The following C9orf40 variants were observed in gnomAD, a reference collection of about 807,000 sequenced individuals.
C9orf40 encodes uncharacterized protein C9orf40.
In C9orf40, 2 loss-of-function variants were observed where a neutral mutation model predicts 7.9. The ratio of observed to expected loss-of-function variants is 0.25; its 90% confidence interval spans 0.10 to 0.80. The LOEUF (loss-of-function observed/expected upper bound fraction) is 0.80, where lower values mean the gene tolerates loss of function less well. C9orf40 is among the 30% of genes least tolerant of loss of function. The pLI, the probability that C9orf40 is intolerant of heterozygous loss-of-function variation, is 0.68. For missense variants in C9orf40, 256 were observed against 268.5 expected (o/e 0.95, Z 0.33); for synonymous variants, 113 against 117.6 (o/e 0.96, Z 0.25).
At position 74,952,542 on chromosome 9, in the gene C9orf40, A is replaced by G; in HGVS notation, c.70T>C (p.Phe24Leu). 1 of 1,588,276 alleles carries G rather than the reference A, an allele frequency of 6.3e-7. No homozygotes were observed. The highest frequency in any genetic ancestry group is 1.1e-5 in the South Asian group (1 of 89,540). ...VPWKRLLLCD[F>L]AEQPPPPPLW... ...GGCGGTGGCGGCGGCTGCTCAGCGA[A>G]GTCGCAAAGCAGGAGCCGCTTCCAA... Residue 24 changes from phenylalanine (F) to leucine (L), a missense_variant, in exon 1 of 2, where the codon TTC (phenylalanine) becomes CTC (leucine). Physicochemically the swap from Phe to Leu is conservative, Grantham distance 22 (BLOSUM62 0). Transcript: ENST00000376854. The surrounding 1 kb of genome is among the most constrained non-coding windows in gnomAD (Gnocchi z 5.4).
chr9:74,952,745 G>A lies in C9orf40; in HGVS notation c.-134C>T. On this transcript the variant is annotated 5_prime_UTR_variant, in exon 1 of 2. Transcript: ENST00000376854. This position sits in a 1 kb window ranked among gnomAD's most constrained non-coding sequence, Gnocchi z 5.4. ...CGGGCGAGGAGGCGACAGGACGCTGGAGGGGGTAGGGCGGGGCAGCTCGCG... is the reference window on the plus strand; with the variant it reads ...CGGGCGAGGAGGCGACAGGACGCTGAAGGGGGTAGGGCGGGGCAGCTCGCG... 1.2e-6 allele frequency: 1 copy of A among 800,358 alleles called. No individual in the cohort carries two copies. Among genetic ancestry groups the A allele is most frequent in the South Asian group, 1.9e-5 (1 of 53,732 alleles). 49.6% of individuals were successfully genotyped at this position (800,358 alleles called of 1,614,324 possible). A position where few individuals can be genotyped will look rare whatever the true frequency, so the allele number is the denominator to read the frequency against.
In C9orf40 at chr9:74,952,702, A is replaced by G; in HGVS notation, c.-91T>C. 7.9e-7 allele frequency: 1 copy of G among 1,259,782 alleles called. No homozygotes were observed. Among genetic ancestry groups the G allele is most frequent in the Non-Finnish European group, 1.1e-6 (1 of 932,046 alleles). 78.0% of individuals were successfully genotyped at this position (1,259,782 alleles called of 1,614,324 possible). On this transcript the variant is annotated 5_prime_UTR_variant, in exon 1 of 2. Transcript: ENST00000376854. This position sits in a 1 kb window ranked among gnomAD's most constrained non-coding sequence, Gnocchi z 5.4. The stretch of plus-strand genomic sequence containing the variant: ...GAAGAGCGAGGACTGAGCGCGTGAG[A>G]GAGGGACAGGCCGAAGTCGGGCGAG...
chr9:74,952,199 A>ACC lies in C9orf40; in HGVS notation c.411_412dup (p.Val138GlyfsTer35). ...CCCAGCCCCTACCTGGCGCGATGCG[A>ACC]CCCCCCAGTCTCCCCGCGGGGGTCC... On this transcript the variant is annotated frameshift_variant, in exon 1 of 2. Coordinates refer to ENST00000376854, the MANE Select transcript of C9orf40 (RefSeq NM_017998.3). LOFTEE classifies it high-confidence loss of function. This position sits in a 1 kb window ranked among gnomAD's most constrained non-coding sequence, Gnocchi z 5.4. 2.9e-6 allele frequency: 1 copy of ACC among 339,510 alleles called. No individual in the cohort carries two copies. The highest frequency in any genetic ancestry group is 3.9e-6 in the Non-Finnish European group (1 of 258,810). 21.0% of individuals were successfully genotyped at this position (339,510 alleles called of 1,614,324 possible).
rs773541202 is a variant in C9orf40 at position 74,947,496 on chromosome 9, C to T, written c.*552G>A. ...ATTGGAAGCTTTGCAAACACGCTAC[C>T]CAAATTGAAATTATCACTACTTTAC... On this transcript the variant is annotated 3_prime_UTR_variant, in exon 2 of 2. Transcript: ENST00000376854. 3 of 152,580 alleles carry T rather than the reference C, an allele frequency of 2.0e-5. No homozygotes were observed. The highest frequency in any genetic ancestry group is 4.4e-5 in the Non-Finnish European group (3 of 68,036). The allele number at this position is 152,580 out of a possible 1,614,324, so 9.5% of individuals were successfully genotyped here.
In C9orf40 at chr9:74,946,696, G is replaced by A. The variant is rs922919585; in HGVS notation, c.*1352C>T. ...GTAGGAAGTGGCAGTACAAGACTTT[G>A]AACCATGTCTGACCACAATGCAATA... On this transcript the variant is annotated 3_prime_UTR_variant, in exon 2 of 2. Coordinates refer to ENST00000376854, the MANE Select transcript of C9orf40 (RefSeq NM_017998.3). The A allele has an allele frequency of 2.0e-5, 3 of 152,108 alleles. No individual in the cohort carries two copies. Among genetic ancestry groups the A allele is most frequent in the African/African-American group, 7.2e-5 (3 of 41,430 alleles). 9.4% of individuals were successfully genotyped at this position (152,108 alleles called of 1,614,324 possible).
Position 74,952,576 on chromosome 9 carries a change from G to A in C9orf40, c.36C>T (p.Phe12=), listed in dbSNP as rs1238750887. ...GCAGGAGCCGCTTCCAAGGCACGTG[G>A]AACGTCACCGGCTCGGCCGCACGCC... The part of the protein sequence containing the change: ...AKRRAAEPVT[F]HVPWKRLLLC... The change falls in exon 1 of 2, where the codon TTC becomes TTT. Residue 12 remains phenylalanine (F), a synonymous_variant. Coordinates refer to ENST00000376854, the MANE Select transcript of C9orf40 (RefSeq NM_017998.3). The surrounding 1 kb of genome is among the most constrained non-coding windows in gnomAD (Gnocchi z 5.4). The A allele has an allele frequency of 3.2e-6, 5 of 1,583,170 alleles. No homozygotes were observed. The highest frequency in any genetic ancestry group is 2.3e-5 in the East Asian group (1 of 43,944).
Position 74,952,186 on chromosome 9 carries a change from C to CCAAA in C9orf40, c.425_426insTTTG (p.Gln142HisfsTer5). The CCAAA allele has an allele frequency of 1.2e-6, 1 of 814,686 alleles. No homozygotes were observed. Among genetic ancestry groups the CCAAA allele is most frequent in the Non-Finnish European group, 1.6e-6 (1 of 607,508 alleles). The allele number at this position is 814,686 out of a possible 1,614,324, so 50.5% of individuals were successfully genotyped here. A position where few individuals can be genotyped will look rare whatever the true frequency, so the allele number is the denominator to read the frequency against. ...CAGCCCACCCGCCCCCAGCCCCTAC[C>CCAAA]TGGCGCGATGCGACCCCCCAGTCTC... On this transcript the variant is annotated frameshift_variant and splice_region_variant, in exon 1 of 2. Transcript: ENST00000376854. LOFTEE classifies it high-confidence loss of function. This position sits in a 1 kb window ranked among gnomAD's most constrained non-coding sequence, Gnocchi z 5.4.
In C9orf40 at chr9:74,952,789, C is replaced by T; in HGVS notation, c.-178G>A. ...GCTCGCGCAGGGCCTAGGGCTGGGG[C>T]TCCGGCTCGGAGGCAGCTCCCGCGC... On this transcript the variant is annotated 5_prime_UTR_variant, in exon 1 of 2. Coordinates refer to ENST00000376854, the MANE Select transcript of C9orf40 (RefSeq NM_017998.3). This position sits in a 1 kb window ranked among gnomAD's most constrained non-coding sequence, Gnocchi z 5.4. 1 of 543,980 alleles carries T rather than the reference C, an allele frequency of 1.8e-6. No homozygotes were observed. Among genetic ancestry groups the T allele is most frequent in the Non-Finnish European group, 3.1e-6 (1 of 320,956 alleles). 33.7% of individuals were successfully genotyped at this position (543,980 alleles called of 1,614,324 possible).
rs1414944475 is a variant in C9orf40 at position 74,952,170 on chromosome 9, C to A, written c.426+16G>T. The A allele has an allele frequency of 4.2e-6, 2 of 478,720 alleles. No homozygotes were observed. The highest frequency in any genetic ancestry group is 4.0e-5 in the East Asian group (1 of 25,122). 29.7% of individuals were successfully genotyped at this position (478,720 alleles called of 1,614,324 possible). A position where few individuals can be genotyped will look rare whatever the true frequency, so the allele number is the denominator to read the frequency against. ...AAGCCCCTTCGCCCCTCAGCCCACC[C>A]GCCCCCAGCCCCTACCTGGCGCGAT... On this transcript the variant is annotated intron_variant, in intron 1 of 1. Transcript: ENST00000376854. The surrounding 1 kb of genome is among the most constrained non-coding windows in gnomAD (Gnocchi z 5.4).
Position 74,947,287 on chromosome 9 carries a change from C to G in C9orf40, c.*761G>C, listed in dbSNP as rs1365365443. On this transcript the variant is annotated 3_prime_UTR_variant, in exon 2 of 2. Transcript: ENST00000376854. ...TTTAAAGTGCTGTCAGTGTTGAAAA[C>G]TACAGGTCTAAAGTAATAAGGAATA... 6.6e-6 allele frequency: 1 copy of G among 152,608 alleles called. No individual in the cohort carries two copies. Among genetic ancestry groups the G allele is most frequent in the African/African-American group, 2.4e-5 (1 of 41,442 alleles). 9.5% of individuals were successfully genotyped at this position (152,608 alleles called of 1,614,324 possible). A position where few individuals can be genotyped will look rare whatever the true frequency, so the allele number is the denominator to read the frequency against.
chr9:74,952,186 C>CCAACA lies in C9orf40; in HGVS notation c.425_426insTGTTG (p.Gln142HisfsTer32). On this transcript the variant is annotated frameshift_variant and splice_region_variant, in exon 1 of 2. Transcript: ENST00000376854. LOFTEE classifies it high-confidence loss of function. The surrounding 1 kb of genome is among the most constrained non-coding windows in gnomAD (Gnocchi z 5.4). ...CAGCCCACCCGCCCCCAGCCCCTACCTGGCGCGATGCGACCCCCCAGTCTC... is the reference window on the plus strand; with the variant it reads ...CAGCCCACCCGCCCCCAGCCCCTACCCAACATGGCGCGATGCGACCCCCCAGTCTC... The CCAACA allele has an allele frequency of 2.5e-6, 2 of 814,682 alleles. No individual in the cohort carries two copies. The highest frequency in any genetic ancestry group is 3.3e-6 in the Non-Finnish European group (2 of 607,504). 50.5% of individuals were successfully genotyped at this position (814,682 alleles called of 1,614,324 possible).
At position 74,952,481 on chromosome 9, in the gene C9orf40, C is replaced by T. The variant is rs1832314833; in HGVS notation, c.131G>A (p.Gly44Glu). ...WIRPPGVAHA[G>E]QLLGVPEQHR... ...CTGCTCTGGGACGCCGAGGAGCTGCCCAGCATGCGCGACCCCGGGCGGCCG... is the reference window on the plus strand; with the variant it reads ...CTGCTCTGGGACGCCGAGGAGCTGCTCAGCATGCGCGACCCCGGGCGGCCG... Residue 44 changes from glycine (G) to glutamate (E), a missense_variant, in exon 1 of 2, where the codon GGG (glycine) becomes GAG (glutamate). Transcript: ENST00000376854. This position sits in a 1 kb window ranked among gnomAD's most constrained non-coding sequence, Gnocchi z 5.4. 1.3e-6 allele frequency: 2 copies of T among 1,597,486 alleles called. No homozygotes were observed. The highest frequency in any genetic ancestry group is 1.1e-5 in the South Asian group (1 of 90,256).
Position 74,952,172 on chromosome 9 carries a change from C to T in C9orf40, c.426+14G>A. On this transcript the variant is annotated intron_variant, in intron 1 of 1. Transcript: ENST00000376854. The surrounding 1 kb of genome is among the most constrained non-coding windows in gnomAD (Gnocchi z 5.4). ...GCCCCTTCGCCCCTCAGCCCACCCG[C>T]CCCCAGCCCCTACCTGGCGCGATGC... 1 of 549,446 alleles carries T rather than the reference C, an allele frequency of 1.8e-6. No individual in the cohort carries two copies. Among genetic ancestry groups the T allele is most frequent in the Non-Finnish European group, 2.7e-6 (1 of 369,530 alleles). 34.0% of individuals were successfully genotyped at this position (549,446 alleles called of 1,614,324 possible). A position where few individuals can be genotyped will look rare whatever the true frequency, so the allele number is the denominator to read the frequency against.
At position 74,952,231 on chromosome 9, in the gene C9orf40, C is replaced by T. The variant is rs1037306315; in HGVS notation, c.381G>A (p.Gly127=). ...AGTCTCCCCGCGGGGGTCCTGCGCG[C>T]CCCGCCCCGTCGTCGCCACCGCCCC... ...LPGGGGDDGA[G]RAGPPRGDWG... The change falls in exon 1 of 2, where the codon GGG becomes GGA. Residue 127 remains glycine, a synonymous_variant. Transcript: ENST00000376854. This position sits in a 1 kb window ranked among gnomAD's most constrained non-coding sequence, Gnocchi z 5.4. The T allele has an allele frequency of 2.4e-6, 3 of 1,248,178 alleles. No homozygotes were observed. Among genetic ancestry groups the T allele is most frequent in the South Asian group, 3.4e-5 (1 of 29,834 alleles). 77.3% of individuals were successfully genotyped at this position (1,248,178 alleles called of 1,614,324 possible).
Position 74,952,124 on chromosome 9 carries a change from T to TTGTG in C9orf40, c.426+58_426+61dup. 1 of 587,220 alleles carries TTGTG rather than the reference T, an allele frequency of 1.7e-6. No individual in the cohort carries two copies. Among genetic ancestry groups the TTGTG allele is most frequent in the Non-Finnish European group, 2.5e-6 (1 of 396,158 alleles). 36.4% of individuals were successfully genotyped at this position (587,220 alleles called of 1,614,324 possible). On this transcript the variant is annotated intron_variant, in intron 1 of 1. Coordinates refer to ENST00000376854, the MANE Select transcript of C9orf40 (RefSeq NM_017998.3). This position sits in a 1 kb window ranked among gnomAD's most constrained non-coding sequence, Gnocchi z 5.4. Reference sequence around the variant, plus strand: ...AGTCATGAGTGGGAACCGGGGCGTTTTGTGTGTGTGGGGAAAAGGCAAGCC... The same window carrying TTGTG: ...AGTCATGAGTGGGAACCGGGGCGTTTTGTGTGTGTGTGTGGGGAAAAGGCAAGCC...
chr9:74,948,422 T>A (rs1402334138), intron 1 of C9orf40, among the ~76,000 whole-genome samples: 1 of 152,226 alleles, frequency 6.6e-6, no homozygotes, highest in Non-Finnish European at 1.5e-5. Context: ...TTTGTGAAAG[T>A]ATTTGTTAAA....
In C9orf40 at chr9:74,952,360, G is replaced by A; in HGVS notation, c.252C>T (p.Gly84=). The change falls in exon 1 of 2, where the codon GGC becomes GGT. Residue 84 remains glycine (G), a synonymous_variant. Transcript: ENST00000376854. This position sits in a 1 kb window ranked among gnomAD's most constrained non-coding sequence, Gnocchi z 5.4. ...RDSGDNSAPS[G]QEREDHGLET... ...CCAGACCGTGGTCCTCACGCTCCTGGCCGCTCGGGGCGCTGTTGTCCCCGC... is the reference window on the plus strand; with the variant it reads ...CCAGACCGTGGTCCTCACGCTCCTGACCGCTCGGGGCGCTGTTGTCCCCGC... The A allele has an allele frequency of 6.4e-7, 1 of 1,552,128 alleles. No homozygotes were observed. Among genetic ancestry groups the A allele is most frequent in the Non-Finnish European group, 8.6e-7 (1 of 1,158,532 alleles).
intron 1 of C9orf40, among the ~76,000 whole-genome samples, chr9:74,950,619 A>G (rs113340994): frequency 2.0e-5 from 3 of 152,144 alleles, no homozygotes; most frequent in African/African-American, 7.2e-5. Context: ...GTCTTTCCCA[A>G]CTATAAAACT....
At chr9:74,949,948 G>A (rs961125460) in intron 1 of C9orf40, among the ~76,000 whole-genome samples, 4 of 151,548 alleles carry the variant, frequency 2.6e-5, no homozygotes, top group African/African-American at 9.7e-5. Context: ...GATCACTTGA[G>A]CCCAGCCTGG....
Sources: gnomAD v4.1 joint callset for allele counts (sites outside exome capture counted in the v4.1 genomes callset) on GRCh38, gnomAD v4.1.1 for gene constraint, Gnocchi (gnomAD v3.1) non-coding constraint, MANE v1.5 for transcripts, NCBI Gene and HGNC (gene_info 2026-07-23, HGNC 2026-07-21) for gene names.